MMADHC: variants seen among roughly 807,000 people sequenced by gnomAD.
The protein encoded by MMADHC is metabolism of cobalamin associated D.
A neutral mutation model predicts 36.3 loss-of-function variants in MMADHC; 23 were observed. That is an observed-to-expected ratio of 0.63 (90% CI 0.46 to 0.90). MMADHC has a LOEUF of 0.90. MMADHC is among the 40% of genes least tolerant of loss of function. The pLI is 0.00. For missense variants in MMADHC, 330 were observed against 348.0 expected (o/e 0.95, Z 0.41); for synonymous variants, 97 against 116.1 (o/e 0.84, Z 1.06).
At chr2:149,584,612 T>C (rs1033611307) in intron 2 of MMADHC, among the ~76,000 whole-genome samples, 1 of 152,232 alleles carries the variant, frequency 6.6e-6, no homozygotes, top group Non-Finnish European at 1.5e-5. Flanking sequence ...TAATAAAATA[T>C]GAGTTTTGTT....
chr2:149,575,991 T>C (rs1682711622), intron 5 of MMADHC, 150 bp from the exon 6 acceptor site: 3 of 661,982 alleles, frequency 4.5e-6, no homozygotes. Context: ...TATGTTATTT[T>C]TGAAAAGGGT....
intron 7 of MMADHC, 125 bp from the exon 8 acceptor site, chr2:149,570,293 G>T: frequency 1.2e-6 from 1 of 834,868 alleles, no homozygotes; most frequent in Non-Finnish European, 1.9e-6. Flanking sequence ...TAAGTAAAAA[G>T]TCACATGCAA....
intron 2 of MMADHC, among the ~76,000 whole-genome samples, chr2:149,586,345 T>C (rs1682868014): frequency 6.6e-6 from 1 of 152,200 alleles, no homozygotes; most frequent in South Asian, 2.1e-4. Flanking sequence ...CAGTCACTTT[T>C]CAGTTTTTCA....
chr2:149,576,670 G>T (rs887052370), intron 4 of MMADHC, 128 bp from the exon 5 acceptor site: 3 of 686,842 alleles, frequency 4.4e-6, no homozygotes, highest in Non-Finnish European at 7.9e-6. Flanking sequence ...ATCTAACTGG[G>T]AGGTGAGGTA....
At chr2:149,586,687 T>C (rs1682874122) in intron 2 of MMADHC, among the ~76,000 whole-genome samples, 1 of 152,142 alleles carries the variant, frequency 6.6e-6, no homozygotes, top group Non-Finnish European at 1.5e-5. Flanking sequence ...CCTATTCTTA[T>C]TTTGTAGGAT....
Position 149,580,309 on chromosome 2 carries a change from C to T in MMADHC, c.155-661G>A, listed in dbSNP as rs575442078. On this transcript the variant is annotated intron_variant, in intron 3 of 7. Transcript: ENST00000303319. ...ATCTAAAATGAAACTTAGTAATGGTCGTCTGGGGAGGGGCATTCTGCTGCT... is the reference window on the plus strand; with the variant it reads ...ATCTAAAATGAAACTTAGTAATGGTTGTCTGGGGAGGGGCATTCTGCTGCT... Among the ~76,000 whole-genome samples, 26 of 152,110 alleles carry T rather than the reference C, an allele frequency of 1.7e-4. No homozygotes were observed. The South Asian group carries it at 3.1e-3, about 18-fold the overall frequency.
chr2:149,576,377 C>T, intron 5 of MMADHC, 60 bp downstream of exon 5: 5 of 1,110,424 alleles, frequency 4.5e-6, no homozygotes, highest in South Asian at 3.7e-5. Context: ...CTATAGAGTA[C>T]ATTATTCAAC....
chr2:149,576,372 G>C (rs1682717300), intron 5 of MMADHC, 65 bp downstream of exon 5: 3 of 1,071,608 alleles, frequency 2.8e-6, no homozygotes, highest in African/African-American at 1.5e-5. Flanking sequence ...AATTTCTATA[G>C]AGTACATTAT....
Position 149,587,168 on chromosome 2 carries a change from A to G in MMADHC, c.-52-19T>C, listed in dbSNP as rs1022828227. On this transcript the variant is annotated intron_variant, in intron 1 of 7. Coordinates refer to ENST00000303319, the MANE Select transcript of MMADHC (RefSeq NM_015702.3). The stretch of plus-strand genomic sequence containing the variant: ...GTTATTTCTGGGAAAGAACACAACA[A>G]AACAGACGAGTGATCGATTAAACTC... 3 of 1,441,620 alleles carry G rather than the reference A, an allele frequency of 2.1e-6. No individual in the cohort carries two copies. The highest frequency in any genetic ancestry group is 2.0e-6 in the Non-Finnish European group (2 of 1,023,076). The allele number at this position is 1,441,620 out of a possible 1,614,324, so 89.3% of individuals were successfully genotyped here. A position where few individuals can be genotyped will look rare whatever the true frequency, so the allele number is the denominator to read the frequency against.
intron 6 of MMADHC, among the ~76,000 whole-genome samples, chr2:149,575,236 A>C (rs1410408756): frequency 6.6e-6 from 1 of 152,210 alleles, no homozygotes. Flanking sequence ...ACCACAGAAA[A>C]AAATGTGGGT....
At chr2:149,573,548 A>T (rs1458153987) in intron 6 of MMADHC, among the ~76,000 whole-genome samples, 1 of 152,166 alleles carries the variant, frequency 6.6e-6, no homozygotes, top group African/African-American at 2.4e-5. Context: ...AATTTGTTAT[A>T]ATTTGTCTTT....
rs1044346633 is a variant in MMADHC at position 149,587,766 on chromosome 2, C to G, written c.-155G>C. 3 of 152,932 alleles carry G rather than the reference C, an allele frequency of 2.0e-5. No homozygotes were observed. The highest frequency in any genetic ancestry group is 4.4e-5 in the Non-Finnish European group (3 of 68,476). 9.5% of individuals were successfully genotyped at this position (152,932 alleles called of 1,614,324 possible). On this transcript the variant is annotated 5_prime_UTR_variant, in exon 1 of 8. Coordinates refer to ENST00000303319, the MANE Select transcript of MMADHC (RefSeq NM_015702.3). Reference sequence around the variant, plus strand: ...TGGTAGCACCTACGCTGGCGGTGAGCAGGCAAAGGAAGTTGCTTCCGAGCG... The same window carrying G: ...TGGTAGCACCTACGCTGGCGGTGAGGAGGCAAAGGAAGTTGCTTCCGAGCG...
intron 2 of MMADHC, among the ~76,000 whole-genome samples, chr2:149,583,525 A>G (rs538164598): frequency 6.6e-6 from 1 of 152,286 alleles, no homozygotes; most frequent in Admixed American, 6.5e-5. Context: ...TGTAGGCAGG[A>G]AAGAGTCAGA....
At chr2:149,580,030 TA>T (rs946393958) in intron 3 of MMADHC, among the ~76,000 whole-genome samples, 26 of 152,208 alleles carry the variant, frequency 1.7e-4, no homozygotes, top group Non-Finnish European at 2.4e-4. Context: ...TACATCCCCA[TA>T]TTCACGTATT....
At chr2:149,586,992 T>C in intron 2 of MMADHC, 97 bp downstream of exon 2, 1 of 1,232,248 alleles carries the variant, frequency 8.1e-7, no homozygotes, top group South Asian at 1.2e-5. Flanking sequence ...TATCTAACAC[T>C]ATACCACCCA....
chr2:149,581,352 T>C (rs1682790998), intron 3 of MMADHC, among the ~76,000 whole-genome samples: 1 of 152,126 alleles, frequency 6.6e-6, no homozygotes, highest in Admixed American at 6.5e-5. Flanking sequence ...GTCAGAGAGT[T>C]AGAAAACTTG....
In MMADHC at chr2:149,576,381, A is replaced by G; in HGVS notation, c.478+56T>C. 12 of 1,152,578 alleles carry G rather than the reference A, an allele frequency of 1.0e-5. No homozygotes were observed. In the South Asian group the frequency reaches 1.5e-4, roughly 14 times the overall value. The allele number at this position is 1,152,578 out of a possible 1,614,324, so 71.4% of individuals were successfully genotyped here. On this transcript the variant is annotated intron_variant, in intron 5 of 7. Transcript: ENST00000303319. ...CGTTCCAATTTCTATAGAGTACATT[A>G]TTCAACATATTAAAAAAATTAGTAA...
At chr2:149,584,766 T>C (rs1283898399) in intron 2 of MMADHC, among the ~76,000 whole-genome samples, 1 of 152,136 alleles carries the variant, frequency 6.6e-6, no homozygotes, top group Non-Finnish European at 1.5e-5. Context: ...TCTCAAATCT[T>C]GGCTGGGTGC....
rs564408840 is a variant in MMADHC, at chr2:149,586,743, A to G, written c.9+346T>C. On this transcript the variant is annotated intron_variant, in intron 2 of 7. Coordinates refer to ENST00000303319, the MANE Select transcript of MMADHC (RefSeq NM_015702.3). Reference sequence around the variant, plus strand: ...TGGAAACTGTTTTAAAAAAAAGAAAAAAAGATTAAAAAAACCCTTCAGTTT... The same window carrying G: ...TGGAAACTGTTTTAAAAAAAAGAAAGAAAGATTAAAAAAACCCTTCAGTTT... 6 of 285,210 alleles carry G rather than the reference A, an allele frequency of 2.1e-5. No homozygotes were observed. The South Asian group carries it at 3.5e-4, about 16-fold the overall frequency. The allele number at this position is 285,210 out of a possible 1,614,324, so 17.7% of individuals were successfully genotyped here. A position where few individuals can be genotyped will look rare whatever the true frequency, so the allele number is the denominator to read the frequency against.
Sources: gnomAD v4.1 joint callset for allele counts (sites outside exome capture counted in the v4.1 genomes callset) on GRCh38, gnomAD v4.1.1 for gene constraint, MANE v1.5 for transcripts, NCBI Gene and HGNC (gene_info 2026-07-23, HGNC 2026-07-21) for gene names.